The following MEI4 variants were observed in gnomAD, a reference collection of about 807,000 sequenced individuals.
MEI4 encodes meiotic double-stranded break formation protein 4.
In MEI4, 27 loss-of-function variants were observed where a neutral mutation model predicts 31.4. That is an observed-to-expected ratio of 0.86 (90% CI 0.63 to 1.19). The LOEUF (loss-of-function observed/expected upper bound fraction) is 1.19. Among genes scored for constraint, MEI4 ranks in the 50% most tolerant of loss-of-function variants. MEI4 has a pLI of 0.00. For synonymous variants in MEI4, 122 were observed against 145.4 expected, an observed-to-expected ratio of 0.84 and a Z score of 1.16; for missense variants, 329 against 398.9, an observed-to-expected ratio of 0.82 and a Z score of 1.49.
intron 2 of MEI4, among the ~76,000 whole-genome samples, chr6:77,704,419 A>T (rs1766287980): frequency 6.6e-6 from 1 of 152,178 alleles, no homozygotes. Context: ...TGAGGAAAAT[A>T]AGTTATCTAA....
chr6:77,865,372 C>T (rs1050027425), intron 4 of MEI4, among the ~76,000 whole-genome samples: 5 of 151,890 alleles, frequency 3.3e-5, no homozygotes, highest in Non-Finnish European at 5.9e-5. Context: ...ATCAAATAGA[C>T]GCAATAAAAA....
At chr6:77,744,670 GA>G (rs1434709365) in intron 2 of MEI4, among the ~76,000 whole-genome samples, 1 of 152,172 alleles carries the variant, frequency 6.6e-6, no homozygotes, top group Non-Finnish European at 1.5e-5. Context: ...GTAATTGTCA[GA>G]TTCACCAAAG....
chr6:77,790,882 G>A (rs1340928907), intron 3 of MEI4, among the ~76,000 whole-genome samples: 1 of 152,110 alleles, frequency 6.6e-6, no homozygotes, highest in African/African-American at 2.4e-5. Flanking sequence ...GACAAGAACA[G>A]ACACTTCTCA....
intron 2 of MEI4, among the ~76,000 whole-genome samples, chr6:77,728,627 G>A (rs1766888355): frequency 6.6e-6 from 1 of 152,156 alleles, no homozygotes; most frequent in African/African-American, 2.4e-5. Context: ...GATAGAGCAG[G>A]GCCACTAATT....
At chr6:77,732,988 T>A (rs2127668651) in intron 2 of MEI4, among the ~76,000 whole-genome samples, 1 of 151,746 alleles carries the variant, frequency 6.6e-6, no homozygotes, top group South Asian at 2.1e-4. Flanking sequence ...CACTTGATGA[T>A]GGTGGATAAG....
intron 1 of MEI4, among the ~76,000 whole-genome samples, chr6:77,665,564 T>C (rs1158190814): frequency 6.6e-6 from 1 of 152,166 alleles, no homozygotes; most frequent in African/African-American, 2.4e-5. Context: ...GATTTGCTGC[T>C]AAGGGTGAAG....
intron 1 of MEI4, among the ~76,000 whole-genome samples, chr6:77,669,345 A>G (rs1371773624): frequency 6.6e-6 from 1 of 152,182 alleles, no homozygotes; most frequent in Non-Finnish European, 1.5e-5. Context: ...TAGTTGTTTC[A>G]ATTTAAAAAA....
chr6:77,821,899 T>C (rs1045753648), intron 3 of MEI4, among the ~76,000 whole-genome samples: 1 of 151,850 alleles, frequency 6.6e-6, no homozygotes, highest in Non-Finnish European at 1.5e-5. Context: ...TTTACCAGTC[T>C]CTACATTTCA....
At chr6:77,817,767 C>T (rs1453958760) in intron 3 of MEI4, among the ~76,000 whole-genome samples, 1 of 151,742 alleles carries the variant, frequency 6.6e-6, no homozygotes. Context: ...TCTTTCTTTT[C>T]TTCCATATAT....
At chr6:77,712,123 A>C (rs1206208093) in intron 2 of MEI4, among the ~76,000 whole-genome samples, 1 of 152,200 alleles carries the variant, frequency 6.6e-6, no homozygotes, top group East Asian at 1.9e-4. Flanking sequence ...ATTGATGCAG[A>C]GGTGCTTTTT....
At chr6:77,772,073 A>G (rs1399678926) in intron 3 of MEI4, among the ~76,000 whole-genome samples, 1 of 151,966 alleles carries the variant, frequency 6.6e-6, no homozygotes, top group Non-Finnish European at 1.5e-5. Context: ...GGTGAAATTA[A>G]AAAGTCTCCC....
intron 4 of MEI4, among the ~76,000 whole-genome samples, chr6:77,839,716 G>T (rs1458694143): frequency 6.6e-6 from 1 of 152,098 alleles, no homozygotes; most frequent in Non-Finnish European, 1.5e-5. Flanking sequence ...TTGCCAGTGT[G>T]CCACCTGCTT....
At position 77,870,335 on chromosome 6, in the gene MEI4, T is replaced by C. The variant is rs572454000; in HGVS notation, c.900+41273T>C. On this transcript the variant is annotated intron_variant, in intron 4 of 4. Transcript: ENST00000684080. ...TGTTGCCAGATATTTTACTAAACTG[T>C]AGGCTAATGTAAGTGATCTGAGCAC... 5.3e-4 allele frequency among the ~76,000 whole-genome samples: 81 copies of C among 152,130 alleles called. 1 individual carries two copies. Among genetic ancestry groups the C allele is most frequent in the Non-Finnish European group, 1.1e-3 (74 of 68,032 alleles).
At chr6:77,657,777 T>C (rs1768425027) in intron 1 of MEI4, among the ~76,000 whole-genome samples, 1 of 152,218 alleles carries the variant, frequency 6.6e-6, no homozygotes, top group Non-Finnish European at 1.5e-5. Context: ...TGAACACCTA[T>C]GCCATTATAT....
intron 4 of MEI4, among the ~76,000 whole-genome samples, chr6:77,861,285 CAATT>C (rs1454067557): frequency 6.6e-6 from 1 of 152,162 alleles, no homozygotes. Context: ...TGCAAAACCA[CAATT>C]ACTTTTGCAC....
Position 77,761,658 on chromosome 6 carries a change from T to C in MEI4, c.761T>C (p.Ile254Thr), listed in dbSNP as rs1041872166. The C allele has an allele frequency of 2.5e-5, 31 of 1,230,672 alleles. No homozygotes were observed. The highest frequency in any genetic ancestry group is 3.1e-5 in the Non-Finnish European group (31 of 986,838). 76.2% of individuals were successfully genotyped at this position (1,230,672 alleles called of 1,614,324 possible). Reference protein sequence around the residue: ...LLHAILGNNHINQFQVQHYVS... With the variant: ...LLHAILGNNHTNQFQVQHYVS... ...CATGCTATTTTAGGAAACAATCATA[T>C]AAATCAGGTGAGTAATAAATCCCTC... The change falls in exon 3 of 5, where the codon ATA becomes ACA. Residue 254 changes from isoleucine to threonine, a missense_variant. Physicochemically the swap from Ile to Thr is moderately conservative, Grantham distance 89 (BLOSUM62 -1). Coordinates refer to ENST00000684080, the MANE Select transcript of MEI4 (RefSeq NM_001322247.2).
At chr6:77,876,559 T>C (rs573335076) in intron 4 of MEI4, among the ~76,000 whole-genome samples, 1 of 152,286 alleles carries the variant, frequency 6.6e-6, no homozygotes, top group East Asian at 1.9e-4. Flanking sequence ...TCTGTTATAG[T>C]AGCAGGAAAT....
At chr6:77,870,185 G>T (rs933512581) in intron 4 of MEI4, among the ~76,000 whole-genome samples, 2 of 152,128 alleles carry the variant, frequency 1.3e-5, no homozygotes. Flanking sequence ...TTTGAATTTT[G>T]ATCTTTTCCC....
At chr6:77,759,201 T>G (rs944631112) in intron 2 of MEI4, among the ~76,000 whole-genome samples, 3 of 152,216 alleles carry the variant, frequency 2.0e-5, no homozygotes, top group Non-Finnish European at 4.4e-5. Context: ...TATGACACAA[T>G]CATTTTTTCT....
Sources: allele counts gnomAD v4.1 joint callset (sites outside exome capture counted in the v4.1 genomes callset), GRCh38; gene constraint gnomAD v4.1.1; transcripts MANE v1.5; gene names NCBI Gene and HGNC (gene_info 2026-07-23, HGNC 2026-07-21).